VPS13C: variants seen among roughly 807,000 people sequenced by gnomAD.
VPS13C encodes the protein intermembrane lipid transfer protein VPS13C.
A neutral mutation model predicts 456.8 loss-of-function variants in VPS13C; 358 were observed. That is an observed-to-expected ratio of 0.78 (90% CI 0.72 to 0.86). The LOEUF is 0.86. VPS13C is among the 40% of genes least tolerant of loss of function. The pLI is 0.00. For synonymous variants in VPS13C, 1,578 were observed against 1,486.7 expected, an observed-to-expected ratio of 1.06 and a Z score of -1.41; for missense variants, 4,818 against 4,385.4, an observed-to-expected ratio of 1.10 and a Z score of -2.79.
At chr15:61,859,356 C>G (rs1008809738) in intron 82 of VPS13C, among the ~76,000 whole-genome samples, 2 of 152,064 alleles carry the variant, frequency 1.3e-5, no homozygotes, top group East Asian at 3.8e-4. Context: ...AAAATGAGAA[C>G]CTGTTTCAAA....
chr15:61,885,822 T>C (rs1179723623), intron 67 of VPS13C, among the ~76,000 whole-genome samples: 2 of 152,168 alleles, frequency 1.3e-5, no homozygotes, highest in Non-Finnish European at 2.9e-5. Flanking sequence ...TTTGAAAATA[T>C]TCTCACCTGT....
At chr15:61,952,950 C>G (rs2044853681) in intron 38 of VPS13C, among the ~76,000 whole-genome samples, 1 of 151,944 alleles carries the variant, frequency 6.6e-6, no homozygotes, top group Non-Finnish European at 1.5e-5. Flanking sequence ...TCTCAAATAC[C>G]TGAACTCAAG....
At chr15:61,877,370 A>T in intron 74 of VPS13C, among the ~76,000 whole-genome samples, 1 of 140,728 alleles carries the variant, frequency 7.1e-6, no homozygotes, top group South Asian at 2.2e-4. Flanking sequence ...TAAAATGTTT[A>T]AAACATTTTG....
intron 8 of VPS13C, among the ~76,000 whole-genome samples, chr15:62,023,141 C>A (rs554682496): frequency 1.3e-5 from 2 of 151,556 alleles, no homozygotes; most frequent in African/African-American, 2.4e-5. Context: ...TGTCTTAACA[C>A]GTAAAATAAA....
chr15:62,033,397 TA>T, intron 5 of VPS13C, 43 bp downstream of exon 5: 1 of 1,310,834 alleles, frequency 7.6e-7, no homozygotes, highest in Non-Finnish European at 1.1e-6. Flanking sequence ...TAATTATATC[TA>T]AAATATAGGT....
rs2042606846 is a variant in VPS13C at position 61,890,172 on chromosome 15, T to C, written c.9334A>G (p.Ile3112Val). The change falls in exon 67 of 85, where the codon ATA (isoleucine) becomes GTA (valine). Residue 3112 changes from isoleucine to valine, a missense_variant. Coordinates refer to ENST00000644861, the MANE Select transcript of VPS13C (RefSeq NM_020821.3). ...ATTTTCCTTCTTGCATACCTGGTTA[T>C]CCCAATATAGGAAACTTCCTGCTTG... Reference protein sequence around the residue: ...ESKQEVSYIGITSSGVVWEVK... With the variant: ...ESKQEVSYIGVTSSGVVWEVK... The C allele has an allele frequency of 6.2e-7, 1 of 1,614,060 alleles. No homozygotes were observed. Among genetic ancestry groups the C allele is most frequent in the Non-Finnish European group, 8.5e-7 (1 of 1,179,984 alleles).
At chr15:61,954,159 T>G (rs1484506227) in intron 38 of VPS13C, among the ~76,000 whole-genome samples, 4 of 152,206 alleles carry the variant, frequency 2.6e-5, no homozygotes, top group African/African-American at 9.6e-5. Context: ...ATTTCTTATA[T>G]GACATCCAAA....
chr15:62,030,161 T>C (rs2047764194), intron 5 of VPS13C, among the ~76,000 whole-genome samples: 1 of 152,088 alleles, frequency 6.6e-6, no homozygotes, highest in Admixed American at 6.6e-5. Context: ...ACAAATTTCA[T>C]GTAGCATGTG....
In VPS13C at chr15:61,940,750, A is replaced by G; in HGVS notation, c.5498T>C (p.Leu1833Ser). The G allele has an allele frequency of 1.9e-6, 3 of 1,613,632 alleles. No individual in the cohort carries two copies. Among genetic ancestry groups the G allele is most frequent in the Non-Finnish European group, 2.5e-6 (3 of 1,179,728 alleles). Reference protein sequence around the residue: ...ASLPQNDIEILKPVNMLLSIQ... With the variant: ...ASLPQNDIEISKPVNMLLSIQ... Reference sequence around the variant, plus strand: ...GGACAAAAGCATGTTGACTGGTTTTAAAATTTCAATGTCATTTTGTGGCAA... The same window carrying G: ...GGACAAAAGCATGTTGACTGGTTTTGAAATTTCAATGTCATTTTGTGGCAA... The change falls in exon 47 of 85, where the codon TTA becomes TCA. Residue 1833 changes from leucine (L) to serine (S), a missense_variant. Transcript: ENST00000644861.
chr15:61,921,798 G>A (rs1596333682), intron 55 of VPS13C, 149 bp downstream of exon 55: 1 of 655,072 alleles, frequency 1.5e-6, no homozygotes, highest in African/African-American at 1.8e-5. Context: ...GAATGAAAAT[G>A]ACATATGAAA....
intron 37 of VPS13C, among the ~76,000 whole-genome samples, chr15:61,956,786 T>C (rs1039895010): frequency 5.9e-4 from 90 of 152,130 alleles, no homozygotes; most frequent in South Asian, 2.1e-4. Context: ...TTTAAAAAGA[T>C]TGGCAATGCC....
At chr15:61,970,117 T>C (rs1026499848) in intron 27 of VPS13C, among the ~76,000 whole-genome samples, 60 of 152,268 alleles carry the variant, frequency 3.9e-4, no homozygotes, top group Non-Finnish European at 5.9e-5. Flanking sequence ...GTTCAACTAC[T>C]CAGACTACCA....
At chr15:61,893,848 C>T (rs1247042439) in intron 66 of VPS13C, among the ~76,000 whole-genome samples, 2 of 151,740 alleles carry the variant, frequency 1.3e-5, no homozygotes, top group Admixed American at 6.6e-5. Context: ...TGTATTGTGT[C>T]TATAAGATGT....
intron 38 of VPS13C, among the ~76,000 whole-genome samples, chr15:61,952,396 T>C (rs2044831550): frequency 6.6e-6 from 1 of 152,188 alleles, no homozygotes; most frequent in African/African-American, 2.4e-5. Flanking sequence ...AAATATCCAT[T>C]GGGAGCAATG....
chr15:61,897,186 GC>G (rs1233215798), intron 66 of VPS13C, among the ~76,000 whole-genome samples: 1 of 152,196 alleles, frequency 6.6e-6, no homozygotes, highest in Non-Finnish European at 1.5e-5. Flanking sequence ...ACTCTAAAGA[GC>G]GGAGCACCTC....
In VPS13C at chr15:61,873,416, A is replaced by G. The variant is rs758461623; in HGVS notation, c.10415-7T>C. The stretch of plus-strand genomic sequence containing the variant: ...ACAACTCCTGCTGCACCACCTATCA[A>G]AGACAAGGGATTAATTTCTAGAATA... On this transcript the variant is annotated splice_polypyrimidine_tract_variant and splice_region_variant and intron_variant, in intron 77 of 84. Transcript: ENST00000644861. 9.3e-6 allele frequency: 15 copies of G among 1,612,958 alleles called. No individual in the cohort carries two copies. Among genetic ancestry groups the G allele is most frequent in the Non-Finnish European group, 1.3e-5 (15 of 1,179,392 alleles).
In VPS13C at chr15:61,983,888, G is replaced by A. The variant is rs571658394; in HGVS notation, c.1846C>T (p.Pro616Ser). Residue 616 changes from proline (P) to serine (S), a missense_variant, in exon 20 of 85, where the codon CCG (proline) becomes TCG (serine). By Grantham distance (74) the Pro-to-Ser change is moderately conservative. Transcript: ENST00000644861. ...SLLKIKFETN[P>S]EDSPADQTLI... ...GTCTGGTCAGCAGGACTATCCTCCG[G>A]ATTGGTTTCAAATTTAATTTTAAGC... is the stretch of plus-strand genomic sequence containing the variant. 5 of 1,614,116 alleles carry A rather than the reference G, an allele frequency of 3.1e-6. No individual in the cohort carries two copies. In the Admixed American group the frequency reaches 6.7e-5, roughly 22 times the overall value.
chr15:61,920,522 A>G lies in VPS13C; in HGVS notation c.7188T>C (p.Leu2396=). ...CTTTTGCTAAATTGTTGAAAACATTAAGACAACTTTTGGATATTGTTATAT... is the reference window on the plus strand; with the variant it reads ...CTTTTGCTAAATTGTTGAAAACATTGAGACAACTTTTGGATATTGTTATAT... ...TMNITISKSC[L]NVFNNLAKGF... is the part of the protein sequence containing the mutation. The change falls in exon 56 of 85, where the codon CTT becomes CTC. Residue 2396 remains leucine, a synonymous_variant. Coordinates refer to ENST00000644861, the MANE Select transcript of VPS13C (RefSeq NM_020821.3). 1 of 1,547,006 alleles carries G rather than the reference A, an allele frequency of 6.5e-7. No homozygotes were observed. The highest frequency in any genetic ancestry group is 8.7e-7 in the Non-Finnish European group (1 of 1,149,574).
rs139346156 is a variant in VPS13C at position 61,947,716 on chromosome 15, T to C, written c.4760-407A>G. On this transcript the variant is annotated intron_variant, in intron 42 of 84. Transcript: ENST00000644861. ...AAGAATAACTCATGATAAACTGCAATGGTGATGCCCAGTTAATAAAATACA... is the reference window on the plus strand; with the variant it reads ...AAGAATAACTCATGATAAACTGCAACGGTGATGCCCAGTTAATAAAATACA... 1.7e-3 allele frequency among the ~76,000 whole-genome samples: 261 copies of C among 152,274 alleles called. 1 individual carries two copies. Among genetic ancestry groups the C allele is most frequent in the African/African-American group, 5.9e-3 (246 of 41,576 alleles).
Sources: allele counts gnomAD v4.1 joint callset (sites outside exome capture counted in the v4.1 genomes callset), GRCh38; gene constraint gnomAD v4.1.1; transcripts MANE v1.5; gene names NCBI Gene and HGNC (gene_info 2026-07-23, HGNC 2026-07-21).